The following CEP350 variants were observed in gnomAD, a reference collection of about 807,000 sequenced individuals.
CEP350 encodes centrosomal protein 350.
A neutral mutation model predicts 331.8 loss-of-function variants in CEP350; 126 were observed. The ratio of observed to expected loss-of-function variants is 0.38; its 90% CI spans 0.33 to 0.44. The LOEUF (loss-of-function observed/expected upper bound fraction) is 0.44. Ranked by LOEUF, CEP350 falls within the 20% of genes least tolerant of loss-of-function variation. CEP350 has a pLI of 1.00. For missense variants in CEP350, 3,406 were observed against 3,634.6 expected (o/e 0.94, Z 1.62); for synonymous variants, 1,200 against 1,259.5 (o/e 0.95, Z 1.00).
At chr1:180,109,558 A>G (rs936485073) in intron 37 of CEP350, among the ~76,000 whole-genome samples, 12 of 152,178 alleles carry the variant, frequency 7.9e-5, no homozygotes, top group Non-Finnish European at 1.3e-4. Context: ...GTAACTTGAG[A>G]TCAGGGTTCA....
chr1:180,109,644 G>A (rs1245387769), intron 37 of CEP350, among the ~76,000 whole-genome samples: 1 of 151,378 alleles, frequency 6.6e-6, no homozygotes, highest in East Asian at 2.0e-4. Context: ...TTGTTTGTTT[G>A]TTTGTTTTTT....
In CEP350 at chr1:180,087,705, C is replaced by T. The variant is rs774616451; in HGVS notation, c.6413C>T (p.Thr2138Ile). 3.9e-6 allele frequency: 6 copies of T among 1,542,164 alleles called. No homozygotes were observed. The highest frequency in any genetic ancestry group is 5.2e-6 in the Non-Finnish European group (6 of 1,144,578). ...ASEKPKIKPL[T>I]PLHRSETAKN... ...GAAAAACCCAAGATCAAACCCCTCA[C>T]ACCACTACACAGGTAGAAATTTTTG... The change falls in exon 32 of 38, where the codon ACA (threonine) becomes ATA (isoleucine). Residue 2138 changes from threonine (T) to isoleucine (I), a missense_variant. Physicochemically the swap from Thr to Ile is moderately conservative, Grantham distance 89. Around this residue, in one of 5 missense-constraint regions of CEP350, gnomAD observed 1,415 missense variants for 1,512.3 expected, o/e 0.94. Coordinates refer to ENST00000367607, the MANE Select transcript of CEP350 (RefSeq NM_014810.5).
At chr1:180,062,685 A>G (rs535341254) in intron 26 of CEP350, among the ~76,000 whole-genome samples, 1 of 152,306 alleles carries the variant, frequency 6.6e-6, no homozygotes, top group Admixed American at 6.5e-5. Context: ...GATGCAGGGC[A>G]TCACATGACA....
intron 8 of CEP350, among the ~76,000 whole-genome samples, chr1:180,007,398 A>T (rs1386315564): frequency 6.6e-6 from 1 of 152,078 alleles, no homozygotes; most frequent in African/African-American, 2.4e-5. Flanking sequence ...TGGCCGCATA[A>T]ATGTGTTCTT....
chr1:180,080,725 T>C, intron 30 of CEP350, 64 bp downstream of exon 30: 1 of 1,438,952 alleles, frequency 6.9e-7, no homozygotes, highest in South Asian at 1.2e-5. Context: ...TCTAAAAGGC[T>C]TCAAGGAGTT....
chr1:179,961,541 T>C (rs1650622027), intron 1 of CEP350, among the ~76,000 whole-genome samples: 1 of 152,142 alleles, frequency 6.6e-6, no homozygotes, highest in South Asian at 2.1e-4. Context: ...AAATGCTAGC[T>C]CCAATCCACG....
intron 36 of CEP350, among the ~76,000 whole-genome samples, chr1:180,097,040 A>G (rs2149147348): frequency 6.6e-6 from 1 of 152,356 alleles, no homozygotes; most frequent in African/African-American, 2.4e-5. Context: ...TTAAACTTGT[A>G]TTTCCCAAAC....
rs748602189 is a variant in CEP350 at position 180,093,970 on chromosome 1, A to G, written c.7865A>G (p.Asp2622Gly). The G allele has an allele frequency of 8.1e-6, 13 of 1,613,774 alleles. No individual in the cohort carries two copies. Among genetic ancestry groups the G allele is most frequent in the Non-Finnish European group, 9.3e-6 (11 of 1,179,846 alleles). ...FYEKSLPSVNDIEASVNRSRS... is the reference protein window; with the variant it reads ...FYEKSLPSVNGIEASVNRSRS... ...GAGAAATCCCTACCTAGTGTGAATG[A>G]TATAGAAGCCTCAGTTAATAGAAGT... Residue 2622 changes from aspartate to glycine, a missense_variant, in exon 34 of 38, where the codon GAT (aspartate) becomes GGT (glycine). Transcript: ENST00000367607.
intron 1 of CEP350, among the ~76,000 whole-genome samples, chr1:179,966,155 T>A (rs892109924): frequency 6.6e-6 from 1 of 152,212 alleles, no homozygotes; most frequent in Non-Finnish European, 1.5e-5. Flanking sequence ...AGCTGAAAGA[T>A]TAGCAGATTT....
intron 36 of CEP350, among the ~76,000 whole-genome samples, chr1:180,098,330 TTTGTTG>T (rs10616901): frequency 2.6e-4 from 39 of 151,554 alleles, no homozygotes; most frequent in Admixed American, 4.6e-4. Flanking sequence ...TGGGTTTTAC[TTTGTTG>T]TTGTTGTTGT....
At chr1:180,094,988 C>T (rs1181531652) in intron 34 of CEP350, among the ~76,000 whole-genome samples, 1 of 152,200 alleles carries the variant, frequency 6.6e-6, no homozygotes, top group Non-Finnish European at 1.5e-5. Context: ...TCCAGTGGCT[C>T]ACCACCCAAT....
Position 180,096,135 on chromosome 1 carries a change from C to T in CEP350, c.9017C>T (p.Ser3006Phe), listed in dbSNP as rs762385931. 5 of 1,568,846 alleles carry T rather than the reference C, an allele frequency of 3.2e-6. No homozygotes were observed. The highest frequency in any genetic ancestry group is 4.3e-6 in the Non-Finnish European group (5 of 1,154,870). The change falls in exon 36 of 38, where the codon TCT (serine) becomes TTT (phenylalanine). Residue 3006 changes from serine (S) to phenylalanine (F), a missense_variant. Physicochemically the swap from Ser to Phe is radical, Grantham distance 155. Around this residue, in one of 5 missense-constraint regions of CEP350, gnomAD observed 1,415 missense variants for 1,512.3 expected, o/e 0.94. Coordinates refer to ENST00000367607, the MANE Select transcript of CEP350 (RefSeq NM_014810.5). Reference sequence around the variant, plus strand: ...TGGATGAAGCCATGTAGAATCAACTCTAGTTATTTCCGACGAGTGAAAAAT... The same window carrying T: ...TGGATGAAGCCATGTAGAATCAACTTTAGTTATTTCCGACGAGTGAAAAAT... The part of the protein sequence containing the change: ...PVWMKPCRIN[S>F]SYFRRVKNPN...
At chr1:179,976,963 T>C (rs769680430) in intron 1 of CEP350, among the ~76,000 whole-genome samples, 8 of 152,202 alleles carry the variant, frequency 5.3e-5, no homozygotes, top group Non-Finnish European at 7.3e-5. Context: ...AAGACCACTT[T>C]TTCCTTTTCT....
chr1:180,024,564 A>G lies in CEP350; in HGVS notation c.3532A>G (p.Lys1178Glu). Residue 1178 changes from lysine (K) to glutamate (E), a missense_variant, in exon 14 of 38, where the codon AAA (lysine) becomes GAA (glutamate). Physicochemically the swap from Lys to Glu is moderately conservative, Grantham distance 56 (BLOSUM62 1). Coordinates refer to ENST00000367607, the MANE Select transcript of CEP350 (RefSeq NM_014810.5). ...SSTSSKGKKG[K>E]KEKTEWLDSF... is the part of the protein sequence containing the mutation. ...TACTTCTTCTAAAGGAAAGAAAGGA[A>G]AAAAGGAAAAGACAGAATGTAAGTG... The G allele has an allele frequency of 1.2e-6, 2 of 1,611,674 alleles. No individual in the cohort carries two copies. The highest frequency in any genetic ancestry group is 1.1e-5 in the South Asian group (1 of 90,796).
At chr1:180,069,008 A>G (rs1439182654) in intron 27 of CEP350, among the ~76,000 whole-genome samples, 1 of 152,142 alleles carries the variant, frequency 6.6e-6, no homozygotes, top group Non-Finnish European at 1.5e-5. Context: ...GGTTGGATTC[A>G]AACTCCTCAG....
rs1660360237 is a variant in CEP350 at position 180,094,331 on chromosome 1, A to G, written c.8226A>G (p.Lys2742=). 1 of 1,613,972 alleles carries G rather than the reference A, an allele frequency of 6.2e-7. No homozygotes were observed. Among genetic ancestry groups the G allele is most frequent in the African/African-American group, 1.3e-5 (1 of 75,062 alleles). The change falls in exon 34 of 38, where the codon AAA becomes AAG. Residue 2742 remains lysine (K), a synonymous_variant. Coordinates refer to ENST00000367607, the MANE Select transcript of CEP350 (RefSeq NM_014810.5). ...AQLKSSLNEE[K]KSKQQLEKIS... ...TGAAGTCATCACTAAATGAGGAAAAAAAGTCAAAACAACAACTGGAAAAAA... is the reference window on the plus strand; with the variant it reads ...TGAAGTCATCACTAAATGAGGAAAAGAAGTCAAAACAACAACTGGAAAAAA...
intron 12 of CEP350, among the ~76,000 whole-genome samples, chr1:180,021,454 G>C (rs1400341306): frequency 2.0e-5 from 3 of 152,132 alleles, no homozygotes; most frequent in Non-Finnish European, 4.4e-5. Flanking sequence ...AGGAGTTCAA[G>C]ACCAGCCTGG....
chr1:179,985,249 A>G (rs544137273), intron 1 of CEP350, among the ~76,000 whole-genome samples: 8 of 152,258 alleles, frequency 5.3e-5, no homozygotes, highest in African/African-American at 1.4e-4. Flanking sequence ...GGCACCATAC[A>G]GTATTTGTCT....
intron 29 of CEP350, among the ~76,000 whole-genome samples, chr1:180,079,223 C>CT (rs34003535): frequency 0.58 from 85,103 of 146,132 alleles, 25,586 homozygotes; most frequent in East Asian, 0.72. Context: ...AAACTTAACT[C>CT]TTTTTTTTTT....
Sources: gnomAD v4.1 joint callset for allele counts (sites outside exome capture counted in the v4.1 genomes callset) on GRCh38, gnomAD v4.1.1 for gene constraint, gnomAD v4.1.1 regional missense constraint, MANE v1.5 for transcripts, NCBI Gene and HGNC (gene_info 2026-07-23, HGNC 2026-07-21) for gene names.